Variants in MACROD2 observed in about 807,000 individuals in gnomAD.
The protein encoded by MACROD2 is ADP-ribose glycohydrolase MACROD2.
Under a neutral mutation model 70.4 loss-of-function variants are expected in MACROD2, and 36 were observed. The observed-to-expected ratio is 0.51, with a 90% CI of 0.39 to 0.68. MACROD2 has a LOEUF of 0.68. MACROD2 is among the 30% of genes least tolerant of loss of function. The pLI, the probability that MACROD2 is intolerant of heterozygous loss-of-function variation, is 0.00. For missense variants in MACROD2, 496 were observed against 538.4 expected, an observed-to-expected ratio of 0.92 and a Z score of 0.78; for synonymous variants, 172 against 178.8, an observed-to-expected ratio of 0.96 and a Z score of 0.30.
chr20:15,672,804 A>T (rs1415116154), intron 8 of MACROD2, among the ~76,000 whole-genome samples: 1 of 152,072 alleles, frequency 6.6e-6, no homozygotes, highest in African/African-American at 2.4e-5. Flanking sequence ...TCCCCACCCA[A>T]ATCTCATCTT....
chr20:15,812,655 G>C (rs1256029264), intron 8 of MACROD2, among the ~76,000 whole-genome samples: 2 of 152,026 alleles, frequency 1.3e-5, no homozygotes, highest in Non-Finnish European at 2.9e-5. Context: ...CCACAGATTA[G>C]TCTTCATTAG....
intron 5 of MACROD2, among the ~76,000 whole-genome samples, chr20:15,177,440 T>A (rs1194679819): frequency 6.6e-6 from 1 of 152,244 alleles, no homozygotes; most frequent in Admixed American, 6.5e-5. Context: ...GTAGCCTGAC[T>A]TTCCAAATTG....
chr20:14,459,074 C>G (rs1327988414), intron 3 of MACROD2, among the ~76,000 whole-genome samples: 1 of 151,834 alleles, frequency 6.6e-6, no homozygotes, highest in African/African-American at 2.4e-5. Flanking sequence ...TAATTTATTA[C>G]CAAAAGAAGG....
intron 8 of MACROD2, among the ~76,000 whole-genome samples, chr20:15,574,891 G>A (rs1049659538): frequency 1.3e-5 from 2 of 152,144 alleles, no homozygotes; most frequent in Non-Finnish European, 2.9e-5. Context: ...GGTCATGTAT[G>A]AAATTAGACT....
At chr20:14,425,070 C>T (rs911417385) in intron 3 of MACROD2, among the ~76,000 whole-genome samples, 12 of 152,174 alleles carry the variant, frequency 7.9e-5, no homozygotes, top group Admixed American at 1.3e-4. Flanking sequence ...ACATACTCAG[C>T]CTAAATTTAT....
At chr20:15,402,443 A>C (rs1230632993) in intron 6 of MACROD2, among the ~76,000 whole-genome samples, 2 of 152,204 alleles carry the variant, frequency 1.3e-5, no homozygotes, top group Non-Finnish European at 2.9e-5. Flanking sequence ...AATTGTGAAA[A>C]ATTTCTCTAC....
At chr20:15,667,490 T>A (rs939897038) in intron 8 of MACROD2, among the ~76,000 whole-genome samples, 1 of 145,792 alleles carries the variant, frequency 6.9e-6, no homozygotes, top group African/African-American at 2.5e-5. Context: ...TATCTATGTA[T>A]CTATCTATGT....
intron 3 of MACROD2, among the ~76,000 whole-genome samples, chr20:14,174,839 G>T (rs916497837): frequency 1.3e-5 from 2 of 152,156 alleles, no homozygotes; most frequent in African/African-American, 4.8e-5. Context: ...GGGACCAAGA[G>T]TGCCCACAGG....
rs1187086548 is a variant in MACROD2 at position 15,865,562 on chromosome 20, T to C, written c.727+2736T>C. Reference sequence around the variant, plus strand: ...ATTGTTAGGGTTTTTTCTAATTTGGTCTTAAGGTTTCTCTCTCTTGAGAAT... The same window carrying C: ...ATTGTTAGGGTTTTTTCTAATTTGGCCTTAAGGTTTCTCTCTCTTGAGAAT... On this transcript the variant is annotated intron_variant, in intron 9 of 17. Coordinates refer to ENST00000684519, the MANE Select transcript of MACROD2 (RefSeq NM_001351661.2). Among the ~76,000 whole-genome samples, 3 of 152,226 alleles carry C rather than the reference T, an allele frequency of 2.0e-5. No homozygotes were observed. The East Asian group carries it at 5.8e-4, about 29-fold the overall frequency.
At chr20:14,613,347 A>G (rs1296074389) in intron 4 of MACROD2, among the ~76,000 whole-genome samples, 2 of 152,024 alleles carry the variant, frequency 1.3e-5, no homozygotes, top group Non-Finnish European at 2.9e-5. Flanking sequence ...TTGGGCTTGC[A>G]TTTCCCTGTG....
chr20:14,052,188 A>AGT (rs1301941701), intron 2 of MACROD2, among the ~76,000 whole-genome samples: 1 of 152,006 alleles, frequency 6.6e-6, no homozygotes, highest in African/African-American at 2.4e-5. Context: ...AAAGAATATT[A>AGT]GTGTCTTTCT....
intron 7 of MACROD2, among the ~76,000 whole-genome samples, chr20:15,436,014 C>T (rs1406396982): frequency 6.6e-6 from 1 of 152,090 alleles, no homozygotes; most frequent in Non-Finnish European, 1.5e-5. Context: ...CTGATATACA[C>T]AAAGGTCGCA....
At chr20:15,393,440 T>C (rs2045818876) in intron 6 of MACROD2, among the ~76,000 whole-genome samples, 1 of 152,218 alleles carries the variant, frequency 6.6e-6, no homozygotes, top group Non-Finnish European at 1.5e-5. Flanking sequence ...AAGTTATCTT[T>C]GACTCTTCTG....
At chr20:14,786,899 A>G (rs962989249) in intron 5 of MACROD2, among the ~76,000 whole-genome samples, 6 of 152,118 alleles carry the variant, frequency 3.9e-5, no homozygotes, top group African/African-American at 7.2e-5. Flanking sequence ...ATGTGGCAGT[A>G]TAACAGCTAA....
At chr20:14,245,623 A>G (rs1401026722) in intron 3 of MACROD2, among the ~76,000 whole-genome samples, 1 of 152,184 alleles carries the variant, frequency 6.6e-6, no homozygotes, top group Non-Finnish European at 1.5e-5. Context: ...TTAACATTTC[A>G]AAGAGCAGAA....
chr20:14,229,147 G>C (rs1461034824), intron 3 of MACROD2, among the ~76,000 whole-genome samples: 2 of 152,154 alleles, frequency 1.3e-5, no homozygotes, highest in Non-Finnish European at 2.9e-5. Context: ...CAAAATATAG[G>C]TGATCGTAGT....
chr20:15,299,172 G>GGT lies in MACROD2; in HGVS notation c.540+69122_540+69123dup, dbSNP rs893387046. Among the ~76,000 whole-genome samples, 52 of 151,972 alleles carry GGT rather than the reference G, an allele frequency of 3.4e-4. 1 individual carries two copies. The highest frequency in any genetic ancestry group is 3.2e-3 in the Admixed American group (49 of 15,244). ...AGAAAAGGCAGGTAAATAATGTGTG[G>GGT]GTGTGTGTGTGTAAACTAGTAAATT... On this transcript the variant is annotated intron_variant, in intron 6 of 17. Coordinates refer to ENST00000684519, the MANE Select transcript of MACROD2 (RefSeq NM_001351661.2).
In MACROD2 at chr20:15,857,322, G is replaced by A. The variant is rs183749500; in HGVS notation, c.646-5423G>A. ...AGGAAGTAGGAAAGCTGCATGCAAA[G>A]CGGGAGAGAACAAAGACAAATGAAA... On this transcript the variant is annotated intron_variant, in intron 8 of 17. Coordinates refer to ENST00000684519, the MANE Select transcript of MACROD2 (RefSeq NM_001351661.2). Among the ~76,000 whole-genome samples, 112 of 152,312 alleles carry A rather than the reference G, an allele frequency of 7.4e-4. 1 individual carries two copies. The highest frequency in any genetic ancestry group is 5.7e-4 in the Non-Finnish European group (39 of 68,032).
intron 4 of MACROD2, among the ~76,000 whole-genome samples, chr20:14,674,594 C>T (rs2070836151): frequency 6.6e-6 from 1 of 152,222 alleles, no homozygotes; most frequent in Non-Finnish European, 1.5e-5. Context: ...TGTCTGACAC[C>T]TTAACCATCC....
Sources: allele counts gnomAD v4.1 joint callset (sites outside exome capture counted in the v4.1 genomes callset), GRCh38; gene constraint gnomAD v4.1.1; transcripts MANE v1.5; gene names NCBI Gene and HGNC (gene_info 2026-07-23, HGNC 2026-07-21).